Variants in ASPRV1 observed in about 807,000 individuals in gnomAD.
The protein encoded by ASPRV1 is aspartic peptidase retroviral like 1, also known as retroviral-like aspartic protease 1.
Under a neutral mutation model 11.0 loss-of-function variants are expected in ASPRV1, and 7 were observed. The ratio of observed to expected loss-of-function variants is 0.64; its 90% CI spans 0.36 to 1.20. ASPRV1 has a LOEUF of 1.20. Ranked by LOEUF, ASPRV1 falls within the 50% of genes most tolerant of loss-of-function variation. The pLI, the probability that ASPRV1 is intolerant of heterozygous loss-of-function variation, is 0.02. For synonymous variants in ASPRV1, 136 were observed against 138.4 expected, an observed-to-expected ratio of 0.98 and a Z score of 0.12; for missense variants, 299 against 320.0, an observed-to-expected ratio of 0.93 and a Z score of 0.50.
the ASPRV1 span, among the ~76,000 whole-genome samples, chr2:69,994,752 C>T: frequency 1.3e-5 from 2 of 152,106 alleles, no homozygotes; most frequent in Non-Finnish European, 2.9e-5. Context: ...AATCCCAGCA[C>T]TTTGGGAGGC....
chr2:70,080,047 T>C, the ASPRV1 span, among the ~76,000 whole-genome samples: 126 of 152,066 alleles, frequency 8.3e-4, no homozygotes, highest in Middle Eastern at 3.4e-3. Flanking sequence ...TTTAAATGTA[T>C]TTTTTTTGTT....
chr2:69,990,403 C>T, the ASPRV1 span, among the ~76,000 whole-genome samples: 1 of 151,998 alleles, frequency 6.6e-6, no homozygotes, highest in Non-Finnish European at 1.5e-5. Flanking sequence ...AGGCTGGTCT[C>T]GAACTCCTGA....
chr2:69,949,004 G>A, the ASPRV1 span, among the ~76,000 whole-genome samples: 1 of 152,028 alleles, frequency 6.6e-6, no homozygotes, highest in Non-Finnish European at 1.5e-5. Context: ...CAGTGCAAAC[G>A]TCCCCGTGTC....
the ASPRV1 span, among the ~76,000 whole-genome samples, chr2:70,068,455 G>T: frequency 6.6e-6 from 1 of 152,210 alleles, no homozygotes; most frequent in Non-Finnish European, 1.5e-5. Flanking sequence ...GCTGCATTCT[G>T]TGAGTCTGGC....
chr2:70,028,947 AT>A, the ASPRV1 span, among the ~76,000 whole-genome samples: 1 of 135,398 alleles, frequency 7.4e-6, no homozygotes, highest in Admixed American at 6.9e-5. Context: ...CTCCAAAAAA[AT>A]AAATAAATAA....
downstream of ASPRV1, among the ~76,000 whole-genome samples, chr2:69,955,291 T>A (rs1234447613): frequency 6.6e-6 from 1 of 152,180 alleles, no homozygotes; most frequent in East Asian, 1.9e-4. Flanking sequence ...TGGCCTTCAG[T>A]CTATGACTCC....
the ASPRV1 span, chr2:70,056,604 C>CAAAAAAAAAAAAAAAAA: frequency 6.6e-5 from 5 of 75,698 alleles, no homozygotes; most frequent in African/African-American, 3.9e-4. Context: ...GACTCCGTCT[C>CAAAAAAAAAAAAAAAAA]AAAAAAAAAA....
At chr2:70,066,929 G>A in the ASPRV1 span, among the ~76,000 whole-genome samples, 1 of 152,072 alleles carries the variant, frequency 6.6e-6, no homozygotes, top group Non-Finnish European at 1.5e-5. Flanking sequence ...GCTGTAGTGT[G>A]GAGACTGGAA....
the ASPRV1 span, among the ~76,000 whole-genome samples, chr2:70,086,799 G>A: frequency 2.6e-5 from 4 of 152,246 alleles, no homozygotes; most frequent in Non-Finnish European, 4.4e-5. Flanking sequence ...TTCTTTTTAG[G>A]ACCACGTTTC....
chr2:69,972,613 C>A, the ASPRV1 span, among the ~76,000 whole-genome samples: 1 of 152,168 alleles, frequency 6.6e-6, no homozygotes, highest in Non-Finnish European at 1.5e-5. Context: ...CTGCCTCAGC[C>A]TCCTAAAGTG....
the ASPRV1 span, among the ~76,000 whole-genome samples, chr2:70,024,651 TCTTTC>T: frequency 6.6e-6 from 1 of 152,162 alleles, no homozygotes; most frequent in Non-Finnish European, 1.5e-5. Flanking sequence ...TTCTCAATCC[TCTTTC>T]CTTTCCCTGC....
chr2:69,950,404 AATC>A, the ASPRV1 span, among the ~76,000 whole-genome samples: 6 of 152,262 alleles, frequency 3.9e-5, no homozygotes, highest in African/African-American at 1.4e-4. Flanking sequence ...ACACAAATGA[AATC>A]ATATTGTGTA....
the ASPRV1 span, among the ~76,000 whole-genome samples, chr2:70,006,796 G>A: frequency 6.6e-6 from 1 of 152,200 alleles, no homozygotes; most frequent in African/African-American, 2.4e-5. Flanking sequence ...CGCTATTAAT[G>A]TGTAAAATGC....
chr2:69,996,149 G>C, the ASPRV1 span, among the ~76,000 whole-genome samples: 1 of 150,684 alleles, frequency 6.6e-6, no homozygotes. Context: ...GGGATGCCAA[G>C]GGAGGATCGC....
the ASPRV1 span, chr2:70,030,669 T>TTC: frequency 1.1e-4 from 17 of 152,094 alleles, no homozygotes; most frequent in Non-Finnish European, 1.8e-4. Flanking sequence ...AGTGGTTTGG[T>TTC]TTACAACCAA....
At chr2:69,989,861 T>C in the ASPRV1 span, among the ~76,000 whole-genome samples, 14 of 152,234 alleles carry the variant, frequency 9.2e-5, no homozygotes, top group Non-Finnish European at 1.5e-4. Flanking sequence ...TCTACTCCCC[T>C]GGCACATAGA....
At chr2:69,962,051 T>G (rs1044964464), upstream of ASPRV1, 2 of 218,318 alleles carry the variant, frequency 9.2e-6, no homozygotes, top group African/African-American at 4.6e-5. Flanking sequence ...TTACATGTAC[T>G]GAGCTCCTAC....
the ASPRV1 span, among the ~76,000 whole-genome samples, chr2:70,051,988 T>A: frequency 9.9e-5 from 15 of 151,936 alleles, no homozygotes; most frequent in East Asian, 5.8e-4. Flanking sequence ...AAAAAAGGGG[T>A]AGAAACACTC....
At chr2:70,014,141 A>C in the ASPRV1 span, among the ~76,000 whole-genome samples, 1 of 152,238 alleles carries the variant, frequency 6.6e-6, no homozygotes, top group Non-Finnish European at 1.5e-5. Context: ...AGGCACAGGC[A>C]ACAAAAGAAA....
Sources: allele counts gnomAD v4.1 joint callset (sites outside exome capture counted in the v4.1 genomes callset), GRCh38; gene constraint gnomAD v4.1.1; transcripts MANE v1.5; gene names NCBI Gene and HGNC (gene_info 2026-07-23, HGNC 2026-07-21).